PALM2AKAP2: variants seen among roughly 807,000 people sequenced by gnomAD.
PALM2AKAP2 encodes PALM2 and AKAP2 fusion, also known as PALM2-AKAP2 fusion protein.
PALM2AKAP2 carries 37 observed loss-of-function variants against 71.5 expected under a neutral mutation model. The ratio of observed to expected loss-of-function variants is 0.52; its 90% CI spans 0.40 to 0.68. The LOEUF is 0.68. PALM2AKAP2 is among the 30% of genes least tolerant of loss of function. The probability of loss-of-function intolerance (pLI) is 0.00; values close to 1 mark genes in which losing one functional copy is unlikely to be tolerated. For synonymous variants in PALM2AKAP2, 468 were observed against 478.8 expected (o/e 0.98, Z 0.29); for missense variants, 1,224 against 1,191.8 (o/e 1.03, Z -0.40).
chr9:109,807,574 G>A (rs201769562), intron 1 of PALM2AKAP2, among the ~76,000 whole-genome samples: 3 of 121,458 alleles, frequency 2.5e-5, no homozygotes, highest in East Asian at 2.4e-4. Flanking sequence ...TTTTTTTTTT[G>A]TCTGAAAGAA....
At chr9:110,061,669 A>G (rs1033451665) in intron 1 of PALM2AKAP2, among the ~76,000 whole-genome samples, 1 of 150,126 alleles carries the variant, frequency 6.7e-6, no homozygotes, top group Non-Finnish European at 1.5e-5. Context: ...ACATATATAT[A>G]TGTGTACAAC....
chr9:110,028,406 G>A lies in PALM2AKAP2; in HGVS notation c.582+12367G>A, dbSNP rs528597350. Among the ~76,000 whole-genome samples the A allele has an allele frequency of 3.3e-5, 5 of 152,286 alleles. No homozygotes were observed. In the East Asian group the frequency reaches 5.8e-4, roughly 18 times the overall value. On this transcript the variant is annotated intron_variant, in intron 7 of 9. Transcript: ENST00000302798. ...CTGTGTTCTCTTGCCAACAATAATA[G>A]CTAACATGGGTTGAACGTTTGCTTT...
chr9:109,941,334 G>A (rs1297345774), intron 6 of PALM2AKAP2, among the ~76,000 whole-genome samples: 2 of 152,164 alleles, frequency 1.3e-5, no homozygotes, highest in Non-Finnish European at 2.9e-5. Flanking sequence ...GTTGTGCAGA[G>A]AGCAGAGGAG....
At chr9:109,848,006 C>T (rs2131612795) in intron 1 of PALM2AKAP2, among the ~76,000 whole-genome samples, 2 of 152,336 alleles carry the variant, frequency 1.3e-5, no homozygotes, top group Middle Eastern at 6.8e-3. Context: ...CTTTCCCCCA[C>T]CCATTGGCTT....
chr9:110,122,943 G>A (rs1434876093), intron 1 of PALM2AKAP2, among the ~76,000 whole-genome samples: 2 of 152,198 alleles, frequency 1.3e-5, no homozygotes, highest in African/African-American at 2.4e-5. Context: ...TCAAGTGTGG[G>A]ATGGCTCTGT....
At chr9:110,134,058 T>A (rs555837724) in intron 1 of PALM2AKAP2, among the ~76,000 whole-genome samples, 4 of 152,312 alleles carry the variant, frequency 2.6e-5, no homozygotes, top group Non-Finnish European at 5.9e-5. Flanking sequence ...AGGCCAAGGC[T>A]GGACTGCTTG....
intron 1 of PALM2AKAP2, among the ~76,000 whole-genome samples, chr9:109,835,215 G>T (rs118120433): frequency 1.1e-4 from 15 of 132,526 alleles, no homozygotes; most frequent in East Asian, 3.1e-4. Flanking sequence ...AGGGGAGGGT[G>T]TAGGGAAAGA....
intron 1 of PALM2AKAP2, among the ~76,000 whole-genome samples, chr9:109,703,634 A>G (rs146509367): frequency 3.2e-3 from 493 of 152,294 alleles, no homozygotes; most frequent in Non-Finnish European, 5.4e-3. Context: ...CACCGAGAAT[A>G]ACTGCTTATT....
chr9:110,082,629 C>T (rs1044630404), intron 1 of PALM2AKAP2, among the ~76,000 whole-genome samples: 2 of 152,128 alleles, frequency 1.3e-5, no homozygotes, highest in Admixed American at 1.3e-4. Context: ...CATCTACTTG[C>T]GCCCACCACC....
intron 7 of PALM2AKAP2, among the ~76,000 whole-genome samples, chr9:110,035,922 A>G (rs2132438800): frequency 6.6e-6 from 1 of 150,636 alleles, no homozygotes; most frequent in East Asian, 1.9e-4. Flanking sequence ...TGATATATAT[A>G]TTGTTTTGGT....
intron 1 of PALM2AKAP2, among the ~76,000 whole-genome samples, chr9:110,107,768 T>A (rs984093438): frequency 6.6e-6 from 1 of 152,152 alleles, no homozygotes; most frequent in Non-Finnish European, 1.5e-5. Context: ...GGTTTCACCA[T>A]GTTAGCCAGG....
rs543732793 is a variant in PALM2AKAP2 at position 109,857,114 on chromosome 9, A to G, written c.46-10377A>G. On this transcript the variant is annotated intron_variant, in intron 1 of 9. Coordinates refer to the PALM2AKAP2 transcript ENST00000302798. ...TCCAGGCCTGGCACGTCTTCCTAAGACAGGCCTATCAACCCAGTGGATCCT... is the reference window on the plus strand; with the variant it reads ...TCCAGGCCTGGCACGTCTTCCTAAGGCAGGCCTATCAACCCAGTGGATCCT... Among the ~76,000 whole-genome samples, 4 of 152,190 alleles carry G rather than the reference A, an allele frequency of 2.6e-5. No homozygotes were observed. In the South Asian group the frequency reaches 8.3e-4, roughly 32 times the overall value.
chr9:110,081,089 G>A (rs1834438682), intron 1 of PALM2AKAP2, among the ~76,000 whole-genome samples: 1 of 152,198 alleles, frequency 6.6e-6, no homozygotes, highest in East Asian at 1.9e-4. Context: ...CTGAATGAAA[G>A]ATACATATTT....
At chr9:109,871,071 T>C (rs1011505011) in intron 2 of PALM2AKAP2, among the ~76,000 whole-genome samples, 3 of 152,242 alleles carry the variant, frequency 2.0e-5, no homozygotes, top group African/African-American at 7.2e-5. Context: ...TGGACACTTA[T>C]TCTCATGCAA....
At position 109,746,123 on chromosome 9, in the gene PALM2AKAP2, T is replaced by C. The variant is rs141932468; in HGVS notation, c.6-34365T>C. ...TTAACGACTTGCTCGGGCCTTGCCT[T>C]ATATGGAATTTTTCCTTCTGCACAA... On this transcript the variant is annotated intron_variant, in intron 1 of 6. Coordinates refer to the PALM2AKAP2 transcript ENST00000374531. Among the ~76,000 whole-genome samples the C allele has an allele frequency of 1.8e-3, 278 of 152,276 alleles. 1 individual carries two copies. Among genetic ancestry groups the C allele is most frequent in the African/African-American group, 6.3e-3 (261 of 41,574 alleles).
chr9:109,898,487 G>C (rs759235638), intron 3 of PALM2AKAP2, among the ~76,000 whole-genome samples: 1 of 152,116 alleles, frequency 6.6e-6, no homozygotes, highest in Non-Finnish European at 1.5e-5. Flanking sequence ...ATAATAAACA[G>C]TCTTGCCTGG....
At chr9:110,065,537 T>G (rs902521596) in intron 1 of PALM2AKAP2, among the ~76,000 whole-genome samples, 2 of 152,246 alleles carry the variant, frequency 1.3e-5, no homozygotes, top group Non-Finnish European at 2.9e-5. Flanking sequence ...GTTTTTCATT[T>G]TAATTGTGTG....
chr9:109,867,762 A>G (rs13299632), intron 2 of PALM2AKAP2, among the ~76,000 whole-genome samples, 191 bp downstream of exon 2: 21,399 of 152,026 alleles, frequency 0.14, 1,922 homozygotes, highest in East Asian at 0.28. Context: ...CAGCATTCCA[A>G]TTTCTGCAAG....
intron 1 of PALM2AKAP2, among the ~76,000 whole-genome samples, chr9:109,751,399 G>A (rs1449005212): frequency 1.3e-5 from 2 of 152,012 alleles, no homozygotes; most frequent in African/African-American, 4.8e-5. Context: ...TTCTCAGTAG[G>A]GTCTTTGTTT....
Sources: gnomAD v4.1 joint callset for allele counts (sites outside exome capture counted in the v4.1 genomes callset) on GRCh38, gnomAD v4.1.1 for gene constraint, MANE v1.5 for transcripts, NCBI Gene and HGNC (gene_info 2026-07-23, HGNC 2026-07-21) for gene names.